The following PLPP4 variants were observed in gnomAD, a reference collection of about 807,000 sequenced individuals.
PLPP4 encodes diacylglycerol pyrophosphate like 2.
In PLPP4, 20 loss-of-function variants were observed where a neutral mutation model predicts 32.2. The ratio of observed to expected loss-of-function variants is 0.62; its 90% CI spans 0.44 to 0.90. The LOEUF is 0.90. PLPP4 is among the 40% of genes least tolerant of loss of function. The pLI is 0.00. For synonymous variants in PLPP4, 127 were observed against 133.0 expected (o/e 0.95, Z 0.31); for missense variants, 257 against 353.1 (o/e 0.73, Z 2.18).
At chr10:120,537,906 T>C (rs1847105236) in intron 5 of PLPP4, among the ~76,000 whole-genome samples, 1 of 151,196 alleles carries the variant, frequency 6.6e-6, no homozygotes, top group Non-Finnish European at 1.5e-5. Flanking sequence ...TTCTGGAAAT[T>C]GTCCCAATCC....
rs566121965 is a variant in PLPP4 at position 120,513,140 on chromosome 10, A to G, written c.166-771A>G. ...ACGGAAGCTGGAATAAAGACTCAAT[A>G]TGGGAATGGAAACCTTGTCCCCAAA... On this transcript the variant is annotated intron_variant, in intron 2 of 6. Transcript: ENST00000398250. Among the ~76,000 whole-genome samples the G allele has an allele frequency of 8.5e-5, 13 of 152,308 alleles. No individual in the cohort carries two copies. The South Asian group carries it at 2.5e-3, about 29-fold the overall frequency.
At chr10:120,580,344 T>A (rs1849436337) in intron 6 of PLPP4, among the ~76,000 whole-genome samples, 1 of 152,130 alleles carries the variant, frequency 6.6e-6, no homozygotes, top group Non-Finnish European at 1.5e-5. Flanking sequence ...CTTCTTCCAA[T>A]TGTTGTCATG....
chr10:120,547,031 G>A (rs551408773), intron 5 of PLPP4, among the ~76,000 whole-genome samples: 2 of 152,168 alleles, frequency 1.3e-5, no homozygotes, highest in East Asian at 3.9e-4. Context: ...TGTTTTACTA[G>A]AGTTCAGGGA....
chr10:120,472,119 C>T (rs1848541663), intron 1 of PLPP4, among the ~76,000 whole-genome samples: 1 of 152,010 alleles, frequency 6.6e-6, no homozygotes, highest in Admixed American at 6.5e-5. Flanking sequence ...AATCAATATA[C>T]TTTCACAGAA....
At chr10:120,513,861 C>A in intron 2 of PLPP4, 50 bp from the exon 3 acceptor site, 1 of 1,403,008 alleles carries the variant, frequency 7.1e-7, no homozygotes, top group Non-Finnish European at 1.0e-6. Flanking sequence ...ATCAGCCCTT[C>A]TGATAGCAAA....
At chr10:120,550,774 A>G (rs1847861387) in intron 5 of PLPP4, among the ~76,000 whole-genome samples, 1 of 152,042 alleles carries the variant, frequency 6.6e-6, no homozygotes, top group South Asian at 2.1e-4. Context: ...CACATACTAA[A>G]AAGTTCATCT....
intron 5 of PLPP4, among the ~76,000 whole-genome samples, chr10:120,550,152 A>G (rs763852805): frequency 1.2e-4 from 18 of 152,106 alleles, no homozygotes; most frequent in East Asian, 3.9e-4. Flanking sequence ...TAGAAAATCA[A>G]TTGAATATTT....
intron 1 of PLPP4, among the ~76,000 whole-genome samples, chr10:120,499,444 C>T (rs1166687856): frequency 2.0e-5 from 3 of 151,128 alleles, no homozygotes; most frequent in African/African-American, 7.3e-5. Context: ...ACCACAATTA[C>T]TTTTGCACCA....
At chr10:120,481,188 G>A (rs908373162) in intron 1 of PLPP4, among the ~76,000 whole-genome samples, 2 of 152,196 alleles carry the variant, frequency 1.3e-5, no homozygotes, top group South Asian at 2.1e-4. Context: ...TTGTACCCCT[G>A]TAGGCCATCC....
At chr10:120,481,780 GT>G (rs1341949065) in intron 1 of PLPP4, among the ~76,000 whole-genome samples, 3 of 152,354 alleles carry the variant, frequency 2.0e-5, no homozygotes, top group Admixed American at 6.5e-5. Flanking sequence ...AACTGATACG[GT>G]TTGACTGTGT....
chr10:120,516,239 A>T (rs542691120), intron 3 of PLPP4, among the ~76,000 whole-genome samples: 5 of 152,222 alleles, frequency 3.3e-5, no homozygotes, highest in African/African-American at 1.2e-4. Context: ...GTTGTCTGGA[A>T]TTCAGGACTC....
intron 1 of PLPP4, among the ~76,000 whole-genome samples, chr10:120,466,661 GT>G (rs1848331294): frequency 6.6e-6 from 1 of 152,126 alleles, no homozygotes; most frequent in Non-Finnish European, 1.5e-5. Context: ...GACATTCCCA[GT>G]TTTATAGGTC....
chr10:120,577,884 C>T (rs778397740), intron 6 of PLPP4, among the ~76,000 whole-genome samples: 15 of 152,154 alleles, frequency 9.9e-5, no homozygotes, highest in Middle Eastern at 3.2e-3. Context: ...GGCTATCTGC[C>T]GCTGTCCACA....
chr10:120,477,147 A>ATTATCTGTGTACT (rs1156888034), intron 1 of PLPP4, among the ~76,000 whole-genome samples: 1 of 151,410 alleles, frequency 6.6e-6, no homozygotes, highest in Non-Finnish European at 1.5e-5. Context: ...AGCTTGATTA[A>ATTATCTGTGTACT]TTATCTGTGT....
chr10:120,529,514 T>G (rs932357618), intron 5 of PLPP4, among the ~76,000 whole-genome samples: 4 of 150,472 alleles, frequency 2.7e-5, no homozygotes, highest in African/African-American at 9.7e-5. Context: ...TTGATTTCTA[T>G]GAAAAAAAGA....
intron 5 of PLPP4, among the ~76,000 whole-genome samples, chr10:120,552,165 G>GGTGTGTGTGTGTGTGTGTGTGTGTGTGT (rs58426120): frequency 7.2e-6 from 1 of 138,546 alleles, no homozygotes; most frequent in Admixed American, 7.3e-5. Flanking sequence ...GTGGTGGTGG[G>GGTGTGTGTGTGTGTGTGTGTGTGTGTGT]GTGTGTGTGT....
intron 2 of PLPP4, 95 bp downstream of exon 2, chr10:120,504,021 G>A: frequency 1.2e-6 from 1 of 835,712 alleles, no homozygotes; most frequent in African/African-American, 1.7e-5. Flanking sequence ...AAGACAGTGG[G>A]TGGCCTGAGA....
In PLPP4 at chr10:120,574,164, ACACACTCT is replaced by A. The variant is rs1319188772; in HGVS notation, c.446-965_446-958del. ...CACACACACACACACACACACACAC[ACACACTCT>A]CTCTCTCTCTCTCTCTCTCTCTCTC... On this transcript the variant is annotated intron_variant, in intron 5 of 6. Coordinates refer to ENST00000398250, the MANE Select transcript of PLPP4 (RefSeq NM_001030059.3). Among the ~76,000 whole-genome samples, 627 of 66,540 alleles carry A rather than the reference ACACACTCT, an allele frequency of 9.4e-3. 4 individuals are homozygous for A. The highest frequency in any genetic ancestry group is 0.014 in the East Asian group (29 of 2,012). The allele number at this position is 66,540 out of a possible 152,430, so 43.7% of individuals were successfully genotyped here. A position where few individuals can be genotyped will look rare whatever the true frequency, so the allele number is the denominator to read the frequency against.
Position 120,507,599 on chromosome 10 carries a change from G to A in PLPP4, c.165+3673G>A, listed in dbSNP as rs149117020. ...TGGCTGAACCAGGATCTGAGCACTG[G>A]CTGTGAGTGCAAACTCTCACTTGGA... is the stretch of plus-strand genomic sequence containing the variant. On this transcript the variant is annotated intron_variant, in intron 2 of 6. Coordinates refer to ENST00000398250, the MANE Select transcript of PLPP4 (RefSeq NM_001030059.3). 2.4e-3 allele frequency among the ~76,000 whole-genome samples: 365 copies of A among 152,290 alleles called. 1 individual carries two copies. The highest frequency in any genetic ancestry group is 3.9e-3 in the Non-Finnish European group (262 of 68,032).
Sources: allele counts gnomAD v4.1 joint callset (sites outside exome capture counted in the v4.1 genomes callset), GRCh38; gene constraint gnomAD v4.1.1; transcripts MANE v1.5; gene names NCBI Gene and HGNC (gene_info 2026-07-23, HGNC 2026-07-21).